The following CACNA1G variants were observed in gnomAD, a reference collection of about 807,000 sequenced individuals.
CACNA1G encodes voltage-dependent T-type calcium channel subunit alpha-1G.
CACNA1G carries 67 observed loss-of-function variants against 219.4 expected under a neutral mutation model. The observed-to-expected ratio is 0.31, with a 90% CI of 0.25 to 0.37. The LOEUF (loss-of-function observed/expected upper bound fraction) is 0.37. Ranked by LOEUF, CACNA1G falls within the 10% of genes least tolerant of loss-of-function variation. CACNA1G has a pLI of 1.00. For missense variants in CACNA1G, 2,380 were observed against 3,231.4 expected (o/e 0.74, Z 6.39); for synonymous variants, 1,296 against 1,345.3 (o/e 0.96, Z 0.80).
rs1300137038 is a variant in CACNA1G at position 50,626,517 on chromosome 17, C to T, written c.6900C>T (p.Ser2300=). 1 of 1,572,372 alleles carries T rather than the reference C, an allele frequency of 6.4e-7. No homozygotes were observed. Among genetic ancestry groups the T allele is most frequent in the Non-Finnish European group, 8.6e-7 (1 of 1,161,262 alleles). ...LGGQPLGGPG[S]RPKKKLSPPS... is the part of the protein sequence containing the mutation. ...GCCAGCCTCTTGGGGGGCCTGGGAGCCGGCCCAAGAAAAAACTCAGCCCGC... is the reference window on the plus strand; with the variant it reads ...GCCAGCCTCTTGGGGGGCCTGGGAGTCGGCCCAAGAAAAAACTCAGCCCGC... Residue 2300 remains serine, a synonymous_variant, in exon 38 of 38, where the codon AGC becomes AGT. Coordinates refer to ENST00000359106, the MANE Select transcript of CACNA1G (RefSeq NM_018896.5). This position sits in a 1 kb window ranked among gnomAD's most constrained non-coding sequence, Gnocchi z 4.3.
At chr17:50,624,324 T>TCCCCCCCCCCCCCCCCCCCCGC in intron 36 of CACNA1G, 36 bp from the exon 37 acceptor site, 1 of 1,177,664 alleles carries the variant, frequency 8.5e-7, no homozygotes, top group Non-Finnish European at 1.2e-6. Flanking sequence ...CTCCATTCTC[T>TCCCCCCCCCCCCCCCCCCCCGC]CCCCCCACCC....
intron 9 of CACNA1G, among the ~76,000 whole-genome samples, chr17:50,581,223 A>T (rs2041891337): frequency 6.6e-6 from 1 of 151,800 alleles, no homozygotes. Context: ...AGACAGAGAC[A>T]CAGAGAGGGA....
At chr17:50,614,674 G>C (rs2146192002) in intron 26 of CACNA1G, among the ~76,000 whole-genome samples, 2 of 152,340 alleles carry the variant, frequency 1.3e-5, no homozygotes, top group East Asian at 3.9e-4. Flanking sequence ...GGAGCAGGCT[G>C]GGCAGTGCCT....
At position 50,575,745 on chromosome 17, in the gene CACNA1G, C is replaced by T. The variant is rs1156263885; in HGVS notation, c.1343C>T (p.Ala448Val). Residue 448 changes from alanine to valine, a missense_variant, in exon 8 of 38, where the codon GCC becomes GTC. By Grantham distance (64) the Ala-to-Val change is moderately conservative. Coordinates refer to ENST00000359106, the MANE Select transcript of CACNA1G (RefSeq NM_018896.5). ...KYLVYILRKAARRLAQVSRAA... is the reference protein window; with the variant it reads ...KYLVYILRKAVRRLAQVSRAA... ...CTGGTGTACATCCTTCGTAAGGCAG[C>T]CCGCAGGCTGGCTCAGGTCTCTCGG... 1.3e-6 allele frequency: 2 copies of T among 1,574,928 alleles called. No individual in the cohort carries two copies. The highest frequency in any genetic ancestry group is 1.7e-6 in the Non-Finnish European group (2 of 1,160,448).
At chr17:50,622,346 G>T (rs907219155) in intron 35 of CACNA1G, among the ~76,000 whole-genome samples, 9 of 152,060 alleles carry the variant, frequency 5.9e-5, no homozygotes, top group Admixed American at 5.9e-4. Flanking sequence ...TGGGGTGAAT[G>T]GGGCTTCTCT....
At position 50,617,553 on chromosome 17, in the gene CACNA1G, G is replaced by T. The variant is rs1392706984; in HGVS notation, c.5137G>T (p.Val1713Leu). Residue 1713 changes from valine (V) to leucine (L), a missense_variant, in exon 29 of 38, where the codon GTG becomes TTG. Transcript: ENST00000359106. This position sits in a 1 kb window ranked among gnomAD's most constrained non-coding sequence, Gnocchi z 5.8. Reference sequence around the variant, plus strand: ...CCCCACCATCATCCGCATCATGAGGGTGCTGCGCATTGCCCGAGGTTGGTG... The same window carrying T: ...CCCCACCATCATCCGCATCATGAGGTTGCTGCGCATTGCCCGAGGTTGGTG... ...INPTIIRIMR[V>L]LRIARVLKLL... 17 of 1,614,002 alleles carry T rather than the reference G, an allele frequency of 1.1e-5. No homozygotes were observed. The highest frequency in any genetic ancestry group is 1.7e-5 in the Admixed American group (1 of 60,024).
At chr17:50,613,258 A>G (rs1466177760) in intron 26 of CACNA1G, among the ~76,000 whole-genome samples, 3 of 152,194 alleles carry the variant, frequency 2.0e-5, no homozygotes, top group African/African-American at 7.2e-5. Context: ...TGCTGATCAG[A>G]TTGGCCTGGT....
intron 25 of CACNA1G, among the ~76,000 whole-genome samples, chr17:50,609,653 G>A (rs939090469): frequency 5.3e-5 from 8 of 152,152 alleles, no homozygotes; most frequent in Admixed American, 2.6e-4. Context: ...TGCCCCTCCC[G>A]GTGCCTCCCT....
In CACNA1G at chr17:50,624,474, C is replaced by G; in HGVS notation, c.6344C>G (p.Pro2115Arg). The G allele has an allele frequency of 6.2e-7, 1 of 1,600,998 alleles. No individual in the cohort carries two copies. The highest frequency in any genetic ancestry group is 8.5e-7 in the Non-Finnish European group (1 of 1,174,378). ...PHSAPTWGTI[P>R]KLPPPGRSPL... ...AGCGCCCCAACCTGGGGCACCATCC[C>G]CAAACTGCCCCCACCAGGACGCTCC... The change falls in exon 37 of 38, where the codon CCC (proline) becomes CGC (arginine). Residue 2115 changes from proline (P) to arginine (R), a missense_variant. Around this residue, in one of 17 missense-constraint regions of CACNA1G, gnomAD observed 672 missense variants for 670.5 expected, o/e 1.00. Coordinates refer to ENST00000359106, the MANE Select transcript of CACNA1G (RefSeq NM_018896.5).
In CACNA1G at chr17:50,572,701, C is replaced by T. The variant is rs368512738; in HGVS notation, c.894C>T (p.Cys298=). The T allele has an allele frequency of 2.2e-5, 36 of 1,613,356 alleles. No homozygotes were observed. Among genetic ancestry groups the T allele is most frequent in the East Asian group, 1.6e-4 (7 of 44,880 alleles). Residue 298 remains cysteine (C), a synonymous_variant, in exon 6 of 38, where the codon TGC becomes TGT. Coordinates refer to ENST00000359106, the MANE Select transcript of CACNA1G (RefSeq NM_018896.5). The part of the protein sequence containing the change: ...LRGDGGGGPP[C]GLDYEAYNSS... ...GGGACGGGGGCGGTGGCCCACCTTG[C>T]GGTCTGGACTATGAGGCCTACAACA...
chr17:50,596,477 C>T lies in CACNA1G; in HGVS notation c.2980-85C>T, dbSNP rs1299100224. 2.6e-5 allele frequency: 26 copies of T among 1,015,288 alleles called. No homozygotes were observed. The highest frequency in any genetic ancestry group is 6.6e-5 in the South Asian group (5 of 75,732). The allele number at this position is 1,015,288 out of a possible 1,614,324, so 62.9% of individuals were successfully genotyped here. On this transcript the variant is annotated intron_variant, in intron 14 of 37. Coordinates refer to ENST00000359106, the MANE Select transcript of CACNA1G (RefSeq NM_018896.5). The surrounding 1 kb of genome is among the most constrained non-coding windows in gnomAD (Gnocchi z 4.8). ...GTTCCTGTGGCCTATATGTGGTGTG[C>T]GTGTGTGAAGAGAGGGAGGCCCGGT...
chr17:50,563,502 T>A (rs1298421443), intron 1 of CACNA1G, among the ~76,000 whole-genome samples: 14 of 152,090 alleles, frequency 9.2e-5, no homozygotes, highest in Non-Finnish European at 1.5e-4. Flanking sequence ...TTCTCAAGGG[T>A]CCCAGGGGAG....
Position 50,626,321 on chromosome 17 carries a change from A to G in CACNA1G, c.6704A>G (p.Glu2235Gly). The change falls in exon 38 of 38, where the codon GAG becomes GGG. Residue 2235 changes from glutamate (E) to glycine (G), a missense_variant. Glu to Gly is a moderately conservative substitution (Grantham distance 98, BLOSUM62 -2). Around this residue, in one of 17 missense-constraint regions of CACNA1G, gnomAD observed 672 missense variants for 670.5 expected, o/e 1.00. Transcript: ENST00000359106. This position sits in a 1 kb window ranked among gnomAD's most constrained non-coding sequence, Gnocchi z 4.3. Reference sequence around the variant, plus strand: ...GACCTCCTGCCCCCTGGCGGCCAGGAGGAGCCCCCATCCCCACGGGACCTG... The same window carrying G: ...GACCTCCTGCCCCCTGGCGGCCAGGGGGAGCCCCCATCCCCACGGGACCTG... ...SGDLLPPGGQ[E>G]EPPSPRDLKK... 1.2e-6 allele frequency: 2 copies of G among 1,613,288 alleles called. No homozygotes were observed. Among genetic ancestry groups the G allele is most frequent in the Non-Finnish European group, 1.7e-6 (2 of 1,179,826 alleles).
At position 50,603,217 on chromosome 17, in the gene CACNA1G, A is replaced by G. The variant is rs1443209476; in HGVS notation, c.4169+18A>G. 7 of 1,595,600 alleles carry G rather than the reference A, an allele frequency of 4.4e-6. 1 individual carries two copies. In the East Asian group the frequency reaches 1.3e-4, roughly 31 times the overall value. On this transcript the variant is annotated intron_variant, in intron 21 of 37. Transcript: ENST00000359106. The surrounding 1 kb of genome is among the most constrained non-coding windows in gnomAD (Gnocchi z 6.4). ...CCGCTCAGGTGACTCCCTCCCCAGC[A>G]CTGGAACACCTCCAAGAGGTGGCCC...
At chr17:50,619,409 G>T (rs926744817) in intron 33 of CACNA1G, among the ~76,000 whole-genome samples, 2 of 150,496 alleles carry the variant, frequency 1.3e-5, no homozygotes, top group African/African-American at 4.9e-5. Context: ...TCTCTTTACC[G>T]CTCTCTCTCT....
In CACNA1G at chr17:50,618,129, G is replaced by T; in HGVS notation, c.5305+3G>T. ...CGTGGAGCTCTTTGGAGACCTGGGT[G>T]AGTTGGGGTAGGGGAGGGTGGAGGA... On this transcript the variant is annotated splice_donor_region_variant and intron_variant, in intron 31 of 37. Transcript: ENST00000359106. The surrounding 1 kb of genome is among the most constrained non-coding windows in gnomAD (Gnocchi z 5.3). The T allele has an allele frequency of 1.2e-6, 2 of 1,613,876 alleles. No homozygotes were observed. Among genetic ancestry groups the T allele is most frequent in the Non-Finnish European group, 1.7e-6 (2 of 1,179,838 alleles).
intron 1 of CACNA1G, chr17:50,562,080 T>C (rs2035918295): frequency 7.1e-6 from 1 of 140,382 alleles, no homozygotes; most frequent in Admixed American, 7.7e-5. Flanking sequence ...AGCTGTACTC[T>C]GCCCGCGCCG....
chr17:50,621,286 T>A lies in CACNA1G; in HGVS notation c.5926-374T>A, dbSNP rs1463363028. ...TTCATTTTTTTTTTTTTTGGTATCA[T>A]CTTTTTGAGAGTCGCAAGCCCTCGG... On this transcript the variant is annotated intron_variant, in intron 34 of 37. Coordinates refer to ENST00000359106, the MANE Select transcript of CACNA1G (RefSeq NM_018896.5). This position sits in a 1 kb window ranked among gnomAD's most constrained non-coding sequence, Gnocchi z 4.6. 7.9e-5 allele frequency among the ~76,000 whole-genome samples: 12 copies of A among 151,334 alleles called. 1 individual carries two copies. In the South Asian group the frequency reaches 1.9e-3, roughly 24 times the overall value.
intron 9 of CACNA1G, among the ~76,000 whole-genome samples, chr17:50,584,565 C>A (rs868795159): frequency 1.7e-5 from 2 of 120,150 alleles, no homozygotes; most frequent in Middle Eastern, 6.5e-3. Flanking sequence ...TGGATGCAGG[C>A]ATAACTGATA....
Sources: gnomAD v4.1 joint callset for allele counts (sites outside exome capture counted in the v4.1 genomes callset) on GRCh38, gnomAD v4.1.1 for gene constraint, gnomAD v4.1.1 regional missense constraint, Gnocchi (gnomAD v3.1) non-coding constraint, MANE v1.5 for transcripts, NCBI Gene and HGNC (gene_info 2026-07-23, HGNC 2026-07-21) for gene names.